FERMT2: variants seen among roughly 807,000 people sequenced by gnomAD.
The protein encoded by FERMT2 is fermitin family homolog 2.
In FERMT2, 15 loss-of-function variants were observed where a neutral mutation model predicts 82.7. The ratio of observed to expected loss-of-function variants is 0.18; its 90% CI spans 0.12 to 0.28. The LOEUF (loss-of-function observed/expected upper bound fraction) is 0.28, where lower values mean the gene tolerates loss of function less well. Among genes scored for constraint, FERMT2 ranks in the 10% least tolerant of loss-of-function variants. FERMT2 has a pLI of 1.00. For synonymous variants in FERMT2, 274 were observed against 271.5 expected (o/e 1.01, Z -0.09); for missense variants, 645 against 809.4 (o/e 0.80, Z 2.46).
chr14:52,902,610 T>A (rs1887717611), intron 3 of FERMT2, among the ~76,000 whole-genome samples: 1 of 151,758 alleles, frequency 6.6e-6, no homozygotes, highest in Non-Finnish European at 1.5e-5. Flanking sequence ...GTCTCATGCC[T>A]GTAATCCCAG....
intron 2 of FERMT2, among the ~76,000 whole-genome samples, chr14:52,946,488 C>T (rs150481550): frequency 2.0e-5 from 3 of 151,890 alleles, no homozygotes; most frequent in African/African-American, 4.8e-5. Context: ...CCCATCTCTA[C>T]GAAAAATTTT....
intron 4 of FERMT2, among the ~76,000 whole-genome samples, chr14:52,886,204 G>A (rs948940804): frequency 6.6e-5 from 10 of 152,048 alleles, no homozygotes; most frequent in African/African-American, 2.4e-4. Context: ...TCAATATTGA[G>A]CAGAATGTAG....
rs751379043 is a variant in FERMT2, at chr14:52,919,363, AAAAC to A, written c.158-11_158-8del. ...GACCAATCTTTTTTTACATCTATAAAAAACAAACAATAAACAAATCACTTAAAAA... is the reference window on the plus strand; with the variant it reads ...GACCAATCTTTTTTTACATCTATAAAAAACAATAAACAAATCACTTAAAAA... On this transcript the variant is annotated splice_polypyrimidine_tract_variant and splice_region_variant and intron_variant, in intron 2 of 14. Coordinates refer to ENST00000341590, the MANE Select transcript of FERMT2 (RefSeq NM_006832.3). 3.4e-5 allele frequency: 53 copies of A among 1,565,478 alleles called. No individual in the cohort carries two copies. The highest frequency in any genetic ancestry group is 4.4e-5 in the Non-Finnish European group (51 of 1,150,280).
chr14:52,920,438 C>T (rs2139643253), intron 2 of FERMT2, among the ~76,000 whole-genome samples: 1 of 151,808 alleles, frequency 6.6e-6, no homozygotes, highest in Admixed American at 6.5e-5. Flanking sequence ...CGAGACCAGG[C>T]AAGGCAACAT....
At chr14:52,927,449 G>C (rs1889334099) in intron 2 of FERMT2, among the ~76,000 whole-genome samples, 1 of 151,754 alleles carries the variant, frequency 6.6e-6, no homozygotes, top group South Asian at 2.1e-4. Context: ...CTACTTGACT[G>C]TTTGGATACA....
At chr14:52,861,128 T>C in intron 12 of FERMT2, 1 of 1,190,146 alleles carries the variant, frequency 8.4e-7, no homozygotes, top group Non-Finnish European at 1.2e-6. Context: ...AAAGTTGCGG[T>C]CACCTGCAAA....
chr14:52,933,958 T>C (rs990945694), intron 2 of FERMT2, among the ~76,000 whole-genome samples: 30 of 152,096 alleles, frequency 2.0e-4, no homozygotes, highest in African/African-American at 7.0e-4. Flanking sequence ...ACTGGCAAAA[T>C]CATGCACCAG....
intron 6 of FERMT2, among the ~76,000 whole-genome samples, chr14:52,879,211 G>A (rs1467799651): frequency 1.3e-5 from 2 of 152,066 alleles, no homozygotes; most frequent in African/African-American, 2.4e-5. Flanking sequence ...AAAATACAGG[G>A]CAAATATACT....
rs150446312 is a variant in FERMT2 at position 52,935,649 on chromosome 14, G to T, written c.157+14763C>A. Among the ~76,000 whole-genome samples, 204 of 152,272 alleles carry T rather than the reference G, an allele frequency of 1.3e-3. 1 individual carries two copies. The highest frequency in any genetic ancestry group is 4.7e-3 in the African/African-American group (196 of 41,556). ...CAGCCTCCAGAACTGTGAGAAATAA[G>T]TGCTTACTGTTTAAGCCACCCAGGA... On this transcript the variant is annotated intron_variant, in intron 2 of 14. Coordinates refer to ENST00000341590, the MANE Select transcript of FERMT2 (RefSeq NM_006832.3).
intron 3 of FERMT2, among the ~76,000 whole-genome samples, chr14:52,918,777 G>C (rs1227135634): frequency 6.6e-6 from 1 of 152,152 alleles, no homozygotes; most frequent in Admixed American, 6.6e-5. Flanking sequence ...GACACAATCT[G>C]CCTGAATCAC....
chr14:52,934,628 A>G (rs895060086), intron 2 of FERMT2, among the ~76,000 whole-genome samples: 4 of 152,158 alleles, frequency 2.6e-5, no homozygotes, highest in South Asian at 4.1e-4. Context: ...CACTTGTATC[A>G]TGTATGTAAG....
At chr14:52,908,117 G>A (rs1046362901) in intron 3 of FERMT2, among the ~76,000 whole-genome samples, 1 of 152,076 alleles carries the variant, frequency 6.6e-6, no homozygotes, top group Non-Finnish European at 1.5e-5. Context: ...TAGTCACTAG[G>A]GTAATGCGAA....
intron 2 of FERMT2, among the ~76,000 whole-genome samples, chr14:52,937,683 T>C (rs1889906436): frequency 6.6e-6 from 1 of 152,228 alleles, no homozygotes; most frequent in Admixed American, 6.5e-5. Flanking sequence ...TTGCTGCTAC[T>C]ACAGTCCAGT....
Position 52,857,764 on chromosome 14 carries a change from T to G in FERMT2, c.*613A>C, listed in dbSNP as rs1295756851. ...ATGCTGGTGAATACTAAAAGTGTAA[T>G]ACAATATGGTGTAAAAATAAAAACA... On this transcript the variant is annotated 3_prime_UTR_variant, in exon 15 of 15. Transcript: ENST00000341590. The G allele has an allele frequency of 6.5e-6, 1 of 152,764 alleles. No homozygotes were observed. The highest frequency in any genetic ancestry group is 1.5e-5 in the Non-Finnish European group (1 of 68,140). 9.5% of individuals were successfully genotyped at this position (152,764 alleles called of 1,614,324 possible).
At chr14:52,923,184 G>A (rs1178874203) in intron 2 of FERMT2, among the ~76,000 whole-genome samples, 1 of 147,320 alleles carries the variant, frequency 6.8e-6, no homozygotes, top group Non-Finnish European at 1.5e-5. Context: ...GCTCCTGACT[G>A]TATTTTTAAC....
At chr14:52,948,351 G>C (rs1890458213) in intron 2 of FERMT2, among the ~76,000 whole-genome samples, 1 of 152,156 alleles carries the variant, frequency 6.6e-6, no homozygotes, top group Non-Finnish European at 1.5e-5. Flanking sequence ...CTGCCCTACC[G>C]AATCTCTCCT....
intron 2 of FERMT2, among the ~76,000 whole-genome samples, chr14:52,929,124 AT>A (rs1208706510): frequency 6.6e-6 from 1 of 151,772 alleles, no homozygotes. Flanking sequence ...ATGTAACCCA[AT>A]TTTTTTTCTT....
Position 52,881,404 on chromosome 14 carries a change from C to CAA in FERMT2, c.591_592insTT (p.Gly198LeufsTer68). 6.2e-7 allele frequency: 1 copy of CAA among 1,613,932 alleles called. No individual in the cohort carries two copies. Among genetic ancestry groups the CAA allele is most frequent in the Non-Finnish European group, 8.5e-7 (1 of 1,179,976 alleles). ...GCAGAAGTTGGTGACAAGGGGCTTC[C>CAA]ATCATGAGCATCATAAGTGGGGGTC... On this transcript the variant is annotated frameshift_variant, in exon 5 of 15. Transcript: ENST00000341590. LOFTEE classifies it high-confidence loss of function.
rs111420315 is a variant in FERMT2 at position 52,864,350 on chromosome 14, A to C, written c.1602+51T>G. The stretch of plus-strand genomic sequence containing the variant: ...GAGGGGAAAAACAAAGTTATGTACA[A>C]AATTATAAAAACAAACCAGCACAGT... On this transcript the variant is annotated intron_variant, in intron 12 of 14. Coordinates refer to ENST00000341590, the MANE Select transcript of FERMT2 (RefSeq NM_006832.3). 4.6e-4 allele frequency: 650 copies of C among 1,412,370 alleles called. 7 individuals are homozygous for C. The African/African-American group carries it at 8.3e-3, about 18-fold the overall frequency. 87.5% of individuals were successfully genotyped at this position (1,412,370 alleles called of 1,614,324 possible).
Sources: allele counts gnomAD v4.1 joint callset (sites outside exome capture counted in the v4.1 genomes callset), GRCh38; gene constraint gnomAD v4.1.1; transcripts MANE v1.5; gene names NCBI Gene and HGNC (gene_info 2026-07-23, HGNC 2026-07-21).